The following TFCP2 variants were observed in gnomAD, a reference collection of about 807,000 sequenced individuals.
TFCP2 encodes the protein alpha-globin transcription factor CP2.
A neutral mutation model predicts 73.4 loss-of-function variants in TFCP2; 33 were observed. The ratio of observed to expected loss-of-function variants is 0.45; its 90% CI spans 0.34 to 0.60. TFCP2 has a LOEUF of 0.60. TFCP2 is among the 20% of genes least tolerant of loss of function. The pLI is 0.01. For missense variants in TFCP2, 352 were observed against 604.0 expected, an observed-to-expected ratio of 0.58 and a Z score of 4.37; for synonymous variants, 193 against 211.6, an observed-to-expected ratio of 0.91 and a Z score of 0.76.
At chr12:51,110,558 G>A (rs753863745) in intron 5 of TFCP2, among the ~76,000 whole-genome samples, 8 of 152,118 alleles carry the variant, frequency 5.3e-5, no homozygotes, top group Non-Finnish European at 1.0e-4. Context: ...ACAAAGCCTA[G>A]ACACTGTCCC....
chr12:51,142,742 C>G (rs73305734), intron 1 of TFCP2, among the ~76,000 whole-genome samples: 17,461 of 152,226 alleles, frequency 0.11, 1,275 homozygotes, highest in African/African-American at 0.21. Context: ...TACTGCTATA[C>G]TTCTCTGTAC....
At chr12:51,113,345 C>T (rs986207392) in intron 4 of TFCP2, among the ~76,000 whole-genome samples, 43 of 152,182 alleles carry the variant, frequency 2.8e-4, no homozygotes, top group African/African-American at 8.2e-4. Flanking sequence ...TGAAAAGTGA[C>T]TGCATGTGTA....
intron 1 of TFCP2, among the ~76,000 whole-genome samples, chr12:51,167,612 T>G (rs1941781754): frequency 6.6e-6 from 1 of 152,084 alleles, no homozygotes; most frequent in South Asian, 2.1e-4. Context: ...AGGCTGGTCT[T>G]GAACTCCTGA....
At chr12:51,108,281 G>A (rs1218821962) in intron 6 of TFCP2, among the ~76,000 whole-genome samples, 6 of 148,132 alleles carry the variant, frequency 4.1e-5, no homozygotes, top group Admixed American at 3.4e-4. Flanking sequence ...GTGAAACTCC[G>A]ACTCAAAAAA....
chr12:51,157,985 ATT>A (rs60512717), intron 1 of TFCP2, among the ~76,000 whole-genome samples: 1 of 149,684 alleles, frequency 6.7e-6, no homozygotes, highest in African/African-American at 2.4e-5. Context: ...ACCCATTTTA[ATT>A]TTTTTTTCCA....
In TFCP2 at chr12:51,124,609, T is replaced by C. The variant is rs556094054; in HGVS notation, c.123-5837A>G. The C allele has an allele frequency of 3.2e-5, 17 of 526,434 alleles. No individual in the cohort carries two copies. In the East Asian group the frequency reaches 7.6e-4, roughly 23 times the overall value. 32.6% of individuals were successfully genotyped at this position (526,434 alleles called of 1,614,324 possible). On this transcript the variant is annotated intron_variant, in intron 1 of 14. Coordinates refer to ENST00000257915, the MANE Select transcript of TFCP2 (RefSeq NM_005653.5). Reference sequence around the variant, plus strand: ...TCATGGGGCAGCCGGAGGAGCGGACTGCCCCGCCGGCAGGTAGGTCATGTT... The same window carrying C: ...TCATGGGGCAGCCGGAGGAGCGGACCGCCCCGCCGGCAGGTAGGTCATGTT...
intron 1 of TFCP2, among the ~76,000 whole-genome samples, chr12:51,164,580 C>A: frequency 7.5e-6 from 1 of 132,552 alleles, no homozygotes; most frequent in African/African-American, 2.8e-5. Context: ...CTGGGTGACA[C>A]AGCAAGACTC....
intron 4 of TFCP2, among the ~76,000 whole-genome samples, 170 bp from the exon 5 acceptor site, chr12:51,111,153 G>A (rs1488603899): frequency 3.4e-5 from 5 of 148,078 alleles, no homozygotes; most frequent in Non-Finnish European, 7.5e-5. Context: ...ATGGAGTCTT[G>A]TTCTGTTGCC....
At chr12:51,110,784 G>T in intron 5 of TFCP2, 93 bp downstream of exon 5, 2 of 972,700 alleles carry the variant, frequency 2.1e-6, no homozygotes, top group Non-Finnish European at 3.3e-6. Context: ...ACCCTGTAAA[G>T]ATTTCAAAGT....
chr12:51,124,922 G>A (rs1340366330), intron 1 of TFCP2: 4 of 848,572 alleles, frequency 4.7e-6, no homozygotes, highest in Non-Finnish European at 6.1e-6. Flanking sequence ...CGTCGTCCAG[G>A]ATGAGCCCAA....
chr12:51,167,776 T>G (rs1343058643), intron 1 of TFCP2, among the ~76,000 whole-genome samples: 1 of 151,966 alleles, frequency 6.6e-6, no homozygotes, highest in East Asian at 1.9e-4. Flanking sequence ...AAAGGAGAAA[T>G]AGGCCTGGGA....
At position 51,172,639 on chromosome 12, in the gene TFCP2, T is replaced by C; in HGVS notation, c.-217A>G. ...TTCTTGGCTGCCCCAGGTTCCAAAA[T>C]CCCCCCTGCCCAGCTCTCAGGAACG... On this transcript the variant is annotated 5_prime_UTR_variant, in exon 1 of 15. Coordinates refer to ENST00000257915, the MANE Select transcript of TFCP2 (RefSeq NM_005653.5). 1 of 534,740 alleles carries C rather than the reference T, an allele frequency of 1.9e-6. No individual in the cohort carries two copies. The highest frequency in any genetic ancestry group is 3.3e-6 in the Non-Finnish European group (1 of 306,462). 33.1% of individuals were successfully genotyped at this position (534,740 alleles called of 1,614,324 possible). A position where few individuals can be genotyped will look rare whatever the true frequency, so the allele number is the denominator to read the frequency against.
At chr12:51,124,618 G>A (rs78208051) in intron 1 of TFCP2, 7,166 of 535,922 alleles carry the variant, frequency 0.013, 375 homozygotes, top group African/African-American at 0.12. Flanking sequence ...CTGCCCCGCC[G>A]GCAGGTAGGT....
intron 1 of TFCP2, among the ~76,000 whole-genome samples, chr12:51,128,870 GAAAAGTAAATACCCTGTATGACATAA>G (rs1940875582): frequency 6.6e-6 from 1 of 152,126 alleles, no homozygotes; most frequent in South Asian, 2.1e-4. Context: ...TCTGGGATGG[GAAAAGTAAATACCCTGTATGACATAA>G]TCAACTTTTT....
At chr12:51,171,079 T>C (rs1941851043) in intron 1 of TFCP2, among the ~76,000 whole-genome samples, 1 of 152,198 alleles carries the variant, frequency 6.6e-6, no homozygotes, top group South Asian at 2.1e-4. Flanking sequence ...AAGATCTCAT[T>C]ATCAGAATGA....
intron 1 of TFCP2, among the ~76,000 whole-genome samples, chr12:51,167,144 T>C (rs1270313761): frequency 6.6e-6 from 1 of 152,086 alleles, no homozygotes; most frequent in Non-Finnish European, 1.5e-5. Flanking sequence ...CCTTTTAGTA[T>C]AAAGTTTGTG....
At chr12:51,130,915 G>C (rs775942876) in intron 1 of TFCP2, among the ~76,000 whole-genome samples, 5 of 151,862 alleles carry the variant, frequency 3.3e-5, no homozygotes, top group African/African-American at 9.7e-5. Flanking sequence ...TGAACCCCGG[G>C]AGGCAGGGGT....
At chr12:51,157,805 C>T (rs986827217) in intron 1 of TFCP2, among the ~76,000 whole-genome samples, 6 of 149,836 alleles carry the variant, frequency 4.0e-5, no homozygotes, top group Admixed American at 1.4e-4. Context: ...ATTCTCCTGC[C>T]TCAGCCTCCC....
chr12:51,130,232 G>A (rs1483159227), intron 1 of TFCP2, among the ~76,000 whole-genome samples: 2 of 152,214 alleles, frequency 1.3e-5, no homozygotes, highest in Non-Finnish European at 2.9e-5. Context: ...AGCACTTTGG[G>A]AGAACGAGGT....
Sources: allele counts gnomAD v4.1 joint callset (sites outside exome capture counted in the v4.1 genomes callset), GRCh38; gene constraint gnomAD v4.1.1; transcripts MANE v1.5; gene names NCBI Gene and HGNC (gene_info 2026-07-23, HGNC 2026-07-21).